The following CNTNAP2 variants were observed in gnomAD, a reference collection of about 807,000 sequenced individuals.
CNTNAP2 encodes contactin-associated protein-like 2.
CNTNAP2 carries 98 observed loss-of-function variants against 155.2 expected under a neutral mutation model. The ratio of observed to expected loss-of-function variants is 0.63; its 90% CI spans 0.54 to 0.75. The LOEUF (loss-of-function observed/expected upper bound fraction) is 0.75. CNTNAP2 is among the 30% of genes least tolerant of loss of function. CNTNAP2 has a pLI of 0.00. For synonymous variants in CNTNAP2, 651 were observed against 631.2 expected, an observed-to-expected ratio of 1.03 and a Z score of -0.47; for missense variants, 1,727 against 1,688.1, an observed-to-expected ratio of 1.02 and a Z score of -0.40.
At chr7:147,658,172 G>A (rs1291922422) in intron 13 of CNTNAP2, among the ~76,000 whole-genome samples, 1 of 125,008 alleles carries the variant, frequency 8.0e-6, no homozygotes, top group South Asian at 2.7e-4. Flanking sequence ...CAGGAGAATG[G>A]CGTGAACCCG....
At chr7:148,309,148 C>G (rs748079389) in intron 21 of CNTNAP2, among the ~76,000 whole-genome samples, 10 of 152,174 alleles carry the variant, frequency 6.6e-5, no homozygotes, top group Non-Finnish European at 1.3e-4. Context: ...TGAGGAATCT[C>G]CACAAAGCCT....
At position 147,866,583 on chromosome 7, in the gene CNTNAP2, C is replaced by T. The variant is rs144875027; in HGVS notation, c.2099-36982C>T. On this transcript the variant is annotated intron_variant, in intron 13 of 23. Transcript: ENST00000361727. ...CTCCTTGTAGGTCTCTAAGGACTTGCTTTGTGAATCTGGGTGCTCCTGTTT... is the reference window on the plus strand; with the variant it reads ...CTCCTTGTAGGTCTCTAAGGACTTGTTTTGTGAATCTGGGTGCTCCTGTTT... Among the ~76,000 whole-genome samples the T allele has an allele frequency of 3.3e-3, 504 of 152,218 alleles. 8 individuals carry two copies. The East Asian group carries it at 0.034, about 10-fold the overall frequency.
chr7:147,490,493 C>T (rs117810568), intron 11 of CNTNAP2, among the ~76,000 whole-genome samples: 1,548 of 152,172 alleles, frequency 0.01, 16 homozygotes, highest in South Asian at 0.054. Flanking sequence ...GTTGATAATC[C>T]ATTTCACCTA....
At chr7:147,531,196 A>C (rs1295230004) in intron 11 of CNTNAP2, among the ~76,000 whole-genome samples, 1 of 152,116 alleles carries the variant, frequency 6.6e-6, no homozygotes, top group Non-Finnish European at 1.5e-5. Context: ...TTCCAAGTTC[A>C]AGGTGCAAGC....
chr7:146,756,689 A>C (rs942176543), intron 1 of CNTNAP2, among the ~76,000 whole-genome samples: 7 of 152,198 alleles, frequency 4.6e-5, no homozygotes, highest in Middle Eastern at 3.4e-3. Flanking sequence ...AAGAATGCAT[A>C]TGAATGAGAA....
At chr7:147,535,100 T>C (rs941113736) in intron 11 of CNTNAP2, among the ~76,000 whole-genome samples, 4 of 152,012 alleles carry the variant, frequency 2.6e-5, no homozygotes, top group Non-Finnish European at 5.9e-5. Context: ...CTGATAACAA[T>C]AGGTGGCCAA....
intron 1 of CNTNAP2, among the ~76,000 whole-genome samples, chr7:146,408,466 T>C (rs1795823161): frequency 6.6e-6 from 1 of 152,094 alleles, no homozygotes; most frequent in Non-Finnish European, 1.5e-5. Context: ...CTAATAGTCC[T>C]TTGTAGGGAC....
intron 8 of CNTNAP2, among the ~76,000 whole-genome samples, chr7:147,246,632 A>G (rs1804077401): frequency 6.6e-6 from 1 of 152,158 alleles, no homozygotes. Flanking sequence ...CTGCCTCCTA[A>G]TATCACATTA....
chr7:147,646,783 T>C (rs1327178144), intron 13 of CNTNAP2, among the ~76,000 whole-genome samples: 1 of 152,194 alleles, frequency 6.6e-6, no homozygotes, highest in Non-Finnish European at 1.5e-5. Context: ...TCACATGTTT[T>C]GCTGGGCCTA....
intron 1 of CNTNAP2, among the ~76,000 whole-genome samples, chr7:146,414,112 A>G (rs1274705723): frequency 6.6e-6 from 1 of 152,240 alleles, no homozygotes; most frequent in African/African-American, 2.4e-5. Context: ...CACAAGGGCA[A>G]ACCTATGCAT....
At chr7:147,899,897 A>G (rs1027949026) in intron 13 of CNTNAP2, among the ~76,000 whole-genome samples, 1 of 74,132 alleles carries the variant, frequency 1.3e-5, no homozygotes, top group African/African-American at 4.6e-5. Flanking sequence ...CATCTCAAAA[A>G]AAAAAAAAGA....
intron 13 of CNTNAP2, among the ~76,000 whole-genome samples, chr7:147,828,958 T>G (rs1254058704): frequency 6.6e-6 from 1 of 152,220 alleles, no homozygotes; most frequent in South Asian, 2.1e-4. Context: ...CATAGCACTC[T>G]GCTAGGCACG....
rs570984309 is a variant in CNTNAP2, at chr7:146,487,675, A to G, written c.98-286596A>G. On this transcript the variant is annotated intron_variant, in intron 1 of 23. Coordinates refer to ENST00000361727, the MANE Select transcript of CNTNAP2 (RefSeq NM_014141.6). ...AAAAAATTCAGAATATATGATTGCC[A>G]TAAAGTCTGGGGAAGAGAGGCTTAC... 5.3e-5 allele frequency among the ~76,000 whole-genome samples: 8 copies of G among 152,336 alleles called. No homozygotes were observed. The East Asian group carries it at 1.4e-3, about 26-fold the overall frequency.
intron 1 of CNTNAP2, among the ~76,000 whole-genome samples, chr7:146,729,602 A>T (rs1801489676): frequency 6.6e-6 from 1 of 151,960 alleles, no homozygotes; most frequent in South Asian, 2.1e-4. Flanking sequence ...TTTCTACCAG[A>T]TGTGTGTATT....
At position 147,223,690 on chromosome 7, in the gene CNTNAP2, C is replaced by T. The variant is rs181019556; in HGVS notation, c.1349-76451C>T. Among the ~76,000 whole-genome samples, 129 of 152,240 alleles carry T rather than the reference C, an allele frequency of 8.5e-4. 1 individual carries two copies. In the East Asian group the frequency reaches 0.021, roughly 24 times the overall value. On this transcript the variant is annotated intron_variant, in intron 8 of 23. Coordinates refer to ENST00000361727, the MANE Select transcript of CNTNAP2 (RefSeq NM_014141.6). ...AGGAGCGGTGGCTCACGCCTCTAAT[C>T]CCAGCACTTTGGGAGGCCGAGGCAG...
intron 1 of CNTNAP2, among the ~76,000 whole-genome samples, chr7:146,222,861 A>G (rs986964806): frequency 6.6e-6 from 1 of 151,632 alleles, no homozygotes; most frequent in African/African-American, 2.4e-5. Flanking sequence ...GGGTTTTACC[A>G]TGTTAGCCAG....
chr7:147,935,802 C>A (rs1261025053), intron 14 of CNTNAP2, among the ~76,000 whole-genome samples: 1 of 152,102 alleles, frequency 6.6e-6, no homozygotes, highest in African/African-American at 2.4e-5. Flanking sequence ...TGCCTTTATT[C>A]AAAAGTGCTT....
intron 9 of CNTNAP2, among the ~76,000 whole-genome samples, chr7:147,373,344 T>C (rs1385824404): frequency 6.6e-6 from 1 of 152,126 alleles, no homozygotes; most frequent in South Asian, 2.1e-4. Flanking sequence ...TCTGTCTTAC[T>C]AGATTTTTTT....
intron 9 of CNTNAP2, among the ~76,000 whole-genome samples, chr7:147,386,696 A>G (rs1324298244): frequency 1.3e-5 from 2 of 152,114 alleles, no homozygotes; most frequent in Non-Finnish European, 2.9e-5. Flanking sequence ...GGAGTTCCGA[A>G]CTTTCCCACA....
Sources: allele counts gnomAD v4.1 joint callset (sites outside exome capture counted in the v4.1 genomes callset), GRCh38; gene constraint gnomAD v4.1.1; transcripts MANE v1.5; gene names NCBI Gene and HGNC (gene_info 2026-07-23, HGNC 2026-07-21).